RBFOX3: variants seen among roughly 807,000 people sequenced by gnomAD.
RBFOX3 encodes RNA binding protein fox-1 homolog 3.
RBFOX3 carries 17 observed loss-of-function variants against 48.7 expected under a neutral mutation model. The ratio of observed to expected loss-of-function variants is 0.35; its 90% confidence interval spans 0.24 to 0.52. The LOEUF (loss-of-function observed/expected upper bound fraction) is 0.52, where lower values mean the gene tolerates loss of function less well. Among genes scored for constraint, RBFOX3 ranks in the 20% least tolerant of loss-of-function variants. RBFOX3 has a pLI of 0.94. For missense variants in RBFOX3, 382 were observed against 497.5 expected (o/e 0.77, Z 2.21); for synonymous variants, 212 against 209.5 (o/e 1.01, Z -0.10).
intron 2 of RBFOX3, among the ~76,000 whole-genome samples, chr17:79,332,104 G>A (rs1219544723): frequency 2.6e-5 from 4 of 152,292 alleles, no homozygotes; most frequent in Non-Finnish European, 4.4e-5. Context: ...AGGGTCATCC[G>A]AAAACCAGAG....
intron 2 of RBFOX3, among the ~76,000 whole-genome samples, chr17:79,394,647 C>G (rs1286755568): frequency 6.6e-6 from 1 of 152,170 alleles, no homozygotes; most frequent in Non-Finnish European, 1.5e-5. Context: ...AACAAATGGC[C>G]CCCACTCTAA....
chr17:79,438,104 G>GCA (rs10659732), intron 2 of RBFOX3, among the ~76,000 whole-genome samples: 105,466 of 150,660 alleles, frequency 0.7, 37,208 homozygotes, highest in Middle Eastern at 0.76. Context: ...GTGCACAGGC[G>GCA]CACACACACA....
chr17:79,267,180 G>A (rs1385562137), intron 3 of RBFOX3, among the ~76,000 whole-genome samples: 2 of 151,960 alleles, frequency 1.3e-5, no homozygotes, highest in Non-Finnish European at 2.9e-5. Context: ...GGGGGCAAGG[G>A]GGCATCACAC....
rs189192428 is a variant in RBFOX3, at chr17:79,409,664, C to A, written c.-175+72790G>T. 5.8e-4 allele frequency among the ~76,000 whole-genome samples: 88 copies of A among 152,344 alleles called. 1 individual carries two copies. The East Asian group carries it at 0.015, about 26-fold the overall frequency. On this transcript the variant is annotated intron_variant, in intron 2 of 14. Coordinates refer to ENST00000693108, the MANE Select transcript of RBFOX3 (RefSeq NM_001350451.2). ...ATAAGCAAGAAGTGAAGTGCAGGGC[C>A]CTGTGTCTAACCCCAGAGCAGGTGG...
At chr17:79,117,125 A>G (rs1300937903) in intron 4 of RBFOX3, among the ~76,000 whole-genome samples, 10 of 152,190 alleles carry the variant, frequency 6.6e-5, no homozygotes, top group African/African-American at 2.4e-4. Context: ...TCCACTGCAG[A>G]CACAGCCTGG....
At position 79,167,229 on chromosome 17, in the gene RBFOX3, TACAGTGCCAGGC is replaced by T. The variant is rs367562906; in HGVS notation, c.-33-51493_-33-51482del. Among the ~76,000 whole-genome samples, 3 of 152,250 alleles carry T rather than the reference TACAGTGCCAGGC, an allele frequency of 2.0e-5. No homozygotes were observed. The East Asian group carries it at 5.8e-4, about 29-fold the overall frequency. ...GCACATGGCCAAGAACAAGCCCAGGTACAGTGCCAGGCACAGTGCCAGGCTCGGGGAGTGCTA... is the reference window on the plus strand; with the variant it reads ...GCACATGGCCAAGAACAAGCCCAGGTACAGTGCCAGGCTCGGGGAGTGCTA... On this transcript the variant is annotated intron_variant, in intron 4 of 14. Transcript: ENST00000693108.
the RBFOX3 span, among the ~76,000 whole-genome samples, chr17:79,644,903 G>T: frequency 6.6e-6 from 1 of 152,156 alleles, no homozygotes; most frequent in African/African-American, 2.4e-5. Flanking sequence ...TGACAAGCTG[G>T]TTCTAAAATT....
intron 4 of RBFOX3, among the ~76,000 whole-genome samples, chr17:79,119,394 G>A (rs532308675): frequency 1.3e-5 from 2 of 152,316 alleles, no homozygotes; most frequent in African/African-American, 4.8e-5. Flanking sequence ...ATAAAACCGA[G>A]GTGTAGAGAC....
At position 79,252,367 on chromosome 17, in the gene RBFOX3, C is replaced by G. The variant is rs2064102133; in HGVS notation, c.-73-16562G>C. Among the ~76,000 whole-genome samples the G allele has an allele frequency of 6.6e-6, 1 of 152,204 alleles. No individual in the cohort carries two copies. Among genetic ancestry groups the G allele is most frequent in the South Asian group, 2.1e-4 (1 of 4,838 alleles). Reference sequence around the variant, plus strand: ...CAGGGTCTTCTCCCAGAAACCTGGTCCTAGCTCAGTGGTCCCTATTTCAGT... The same window carrying G: ...CAGGGTCTTCTCCCAGAAACCTGGTGCTAGCTCAGTGGTCCCTATTTCAGT... On this transcript the variant is annotated intron_variant, in intron 3 of 14. Transcript: ENST00000693108. This position sits in a 1 kb window ranked among gnomAD's most constrained non-coding sequence, Gnocchi z 4.0.
intron 3 of RBFOX3, among the ~76,000 whole-genome samples, chr17:79,268,595 C>T (rs1348276745): frequency 6.6e-6 from 1 of 152,184 alleles, no homozygotes; most frequent in Non-Finnish European, 1.5e-5. Flanking sequence ...CTTTGTGACC[C>T]CAAGCCCCTG....
At chr17:79,332,114 G>A (rs553598655) in intron 2 of RBFOX3, among the ~76,000 whole-genome samples, 13 of 152,308 alleles carry the variant, frequency 8.5e-5, no homozygotes, top group African/African-American at 2.9e-4. Context: ...GAAAACCAGA[G>A]CAGCCATGAA....
rs201344788 is a variant in RBFOX3, at chr17:79,397,493, CAAAA to C, written c.-175+84957_-175+84960del. On this transcript the variant is annotated intron_variant, in intron 2 of 14. Transcript: ENST00000693108. The stretch of plus-strand genomic sequence containing the variant: ...GGGCAACAGAGGAGGACTCCATCCC[CAAAA>C]AAAAAAAAAAAGTGCGACCCCCACC... Among the ~76,000 whole-genome samples the C allele has an allele frequency of 1.2e-3, 146 of 119,706 alleles. 2 individuals are homozygous for C. The highest frequency in any genetic ancestry group is 3.9e-3 in the South Asian group (14 of 3,580). 78.5% of individuals were successfully genotyped at this position (119,706 alleles called of 152,430 possible).
the RBFOX3 span, among the ~76,000 whole-genome samples, chr17:79,646,082 C>T: frequency 5.9e-5 from 9 of 152,208 alleles, no homozygotes; most frequent in Non-Finnish European, 8.8e-5. Context: ...TAGTGGGCTT[C>T]GGGATCTTGT....
rs1485010928 is a variant in RBFOX3 at position 79,089,361 on chromosome 17, GAAAT to G, written c.*1518_*1521del. On this transcript the variant is annotated 3_prime_UTR_variant, in exon 15 of 15. Coordinates refer to ENST00000693108, the MANE Select transcript of RBFOX3 (RefSeq NM_001350451.2). ...ACAGAGTTGTCCTGGTTTGAAGAAA[GAAAT>G]CTTTATTAATAATCTTAATAATACT... The G allele has an allele frequency of 6.6e-6, 1 of 152,644 alleles. No homozygotes were observed. Among genetic ancestry groups the G allele is most frequent in the African/African-American group, 2.4e-5 (1 of 41,452 alleles). The allele number at this position is 152,644 out of a possible 1,614,324, so 9.5% of individuals were successfully genotyped here.
intron 4 of RBFOX3, among the ~76,000 whole-genome samples, chr17:79,201,691 C>T (rs1015744611): frequency 2.6e-5 from 4 of 152,166 alleles, no homozygotes; most frequent in African/African-American, 7.2e-5. Context: ...TCTTGCCCCT[C>T]GGAGGTGGCG....
intron 2 of RBFOX3, among the ~76,000 whole-genome samples, chr17:79,405,001 C>T (rs74000041): frequency 0.051 from 7,840 of 152,282 alleles, 371 homozygotes; most frequent in African/African-American, 0.12. Flanking sequence ...GATCGTCCCA[C>T]CCACGGCAGG....
intron 4 of RBFOX3, among the ~76,000 whole-genome samples, chr17:79,171,299 C>T (rs142851767): frequency 9.4e-4 from 143 of 152,326 alleles, no homozygotes; most frequent in Non-Finnish European, 1.8e-3. Context: ...TGTTAGGAAA[C>T]GTAACATCAC....
chr17:79,365,971 G>T (rs2057689808), intron 2 of RBFOX3, among the ~76,000 whole-genome samples: 2 of 152,246 alleles, frequency 1.3e-5, no homozygotes, highest in South Asian at 4.1e-4. Flanking sequence ...ACCACGCCAC[G>T]GATGTCCTGC....
chr17:79,350,840 G>T (rs536438017), intron 2 of RBFOX3, among the ~76,000 whole-genome samples: 2 of 152,136 alleles, frequency 1.3e-5, no homozygotes, highest in Non-Finnish European at 2.9e-5. Context: ...GAGCTCAGGC[G>T]CCCCCATGGC....
Sources: allele counts gnomAD v4.1 joint callset (sites outside exome capture counted in the v4.1 genomes callset), GRCh38; gene constraint gnomAD v4.1.1; non-coding constraint Gnocchi (gnomAD v3.1); transcripts MANE v1.5; gene names NCBI Gene and HGNC (gene_info 2026-07-23, HGNC 2026-07-21).